Variants in DDR2 observed in about 807,000 individuals in gnomAD.
DDR2 encodes the protein discoidin domain-containing receptor 2.
DDR2 carries 27 observed loss-of-function variants against 94.9 expected under a neutral mutation model. The observed-to-expected ratio is 0.28, with a 90% confidence interval of 0.21 to 0.39. The LOEUF is 0.39. DDR2 is among the 10% of genes least tolerant of loss of function. The probability of loss-of-function intolerance (pLI) is 1.00; values close to 1 mark genes in which losing one functional copy is unlikely to be tolerated. For missense variants in DDR2, 783 were observed against 1,076.0 expected (o/e 0.73, Z 3.81); for synonymous variants, 382 against 377.2 (o/e 1.01, Z -0.15).
rs868162337 is a variant in DDR2, at chr1:162,703,480, T to C, written c.-27-15557T>C. On this transcript the variant is annotated intron_variant, in intron 2 of 17. Coordinates refer to ENST00000367921, the MANE Select transcript of DDR2 (RefSeq NM_006182.4). ...TGTGTGCCAGAGCACTGTTGTCCAT[T>C]TAGTGCCAGCCCTGTGTGGCAAATA... is the stretch of plus-strand genomic sequence containing the variant. 1.7e-4 allele frequency among the ~76,000 whole-genome samples: 26 copies of C among 152,268 alleles called. 1 individual carries two copies. In the Middle Eastern group the frequency reaches 0.02, roughly 120 times the overall value.
intron 2 of DDR2, among the ~76,000 whole-genome samples, chr1:162,674,153 T>C (rs1399775923): frequency 6.6e-6 from 1 of 152,166 alleles, no homozygotes; most frequent in Non-Finnish European, 1.5e-5. Flanking sequence ...TGCTTTTCTA[T>C]TCTTCCCAAA....
chr1:162,728,751 A>G (rs1234655759), intron 3 of DDR2, among the ~76,000 whole-genome samples: 1 of 152,146 alleles, frequency 6.6e-6, no homozygotes. Context: ...CCTAGTGATC[A>G]CATGATAAAC....
chr1:162,772,027 G>C lies in DDR2; in HGVS notation c.1508G>C (p.Cys503Ser), dbSNP rs573628844. ...CTCGTTGCCCTTGTCTTCCCAGGCTGCAGCGGTGTTGTGAAGCCAGTCCAG... is the reference window on the plus strand; with the variant it reads ...CTCGTTGCCCTTGTCTTCCCAGGCTCCAGCGGTGTTGTGAAGCCAGTCCAG... ...EFAPGEEESG[C>S]SGVVKPVQPS... The change falls in exon 13 of 18, where the codon TGC (cysteine) becomes TCC (serine). Residue 503 changes from cysteine (C) to serine (S), a missense_variant. By Grantham distance (112) the Cys-to-Ser change is moderately radical. Coordinates refer to ENST00000367921, the MANE Select transcript of DDR2 (RefSeq NM_006182.4). 68 of 1,604,106 alleles carry C rather than the reference G, an allele frequency of 4.2e-5. No homozygotes were observed. The highest frequency in any genetic ancestry group is 3.8e-4 in the Middle Eastern group (2 of 5,332).
chr1:162,657,357 T>A (rs10753584), intron 2 of DDR2, among the ~76,000 whole-genome samples: 138,555 of 152,142 alleles, frequency 0.91, 63,705 homozygotes, highest in Middle Eastern at 0.98. Context: ...CAGACTGAGT[T>A]TTTCAATCTG....
intron 3 of DDR2, among the ~76,000 whole-genome samples, chr1:162,741,399 G>C (rs895123054): frequency 1.3e-5 from 2 of 149,476 alleles, no homozygotes; most frequent in Admixed American, 6.7e-5. Flanking sequence ...TGAACGTCAT[G>C]CTGGTGTTCA....
chr1:162,636,927 G>A (rs1289480688), intron 1 of DDR2, among the ~76,000 whole-genome samples: 2 of 151,992 alleles, frequency 1.3e-5, no homozygotes, highest in Non-Finnish European at 1.5e-5. Flanking sequence ...ACAAATCTCA[G>A]TGAACTCTCA....
intron 5 of DDR2, 38 bp downstream of exon 5, chr1:162,754,893 A>C: frequency 3.1e-6 from 5 of 1,610,296 alleles, no homozygotes; most frequent in Non-Finnish European, 4.2e-6. Context: ...GATGTCCAAG[A>C]CCATATTTTG....
chr1:162,750,959 T>C (rs1379393797), intron 3 of DDR2, among the ~76,000 whole-genome samples: 3 of 152,214 alleles, frequency 2.0e-5, no homozygotes, highest in East Asian at 1.9e-4. Flanking sequence ...AAAGCTGAAA[T>C]TCGATCCCTT....
intron 17 of DDR2, 48 bp downstream of exon 17, chr1:162,778,777 G>T (rs2102207682): frequency 1.2e-6 from 2 of 1,612,716 alleles, no homozygotes; most frequent in South Asian, 1.1e-5. Context: ...TACCTTGAAG[G>T]ATGGAGAATG....
intron 14 of DDR2, 76 bp downstream of exon 14, chr1:162,773,672 G>C (rs936627178): frequency 6.3e-7 from 1 of 1,598,094 alleles, no homozygotes; most frequent in African/African-American, 1.3e-5. Context: ...ATACTTCTGA[G>C]CAATTTTTTC....
chr1:162,639,812 C>T (rs1005597292), intron 1 of DDR2, among the ~76,000 whole-genome samples: 1 of 152,122 alleles, frequency 6.6e-6, no homozygotes, highest in African/African-American at 2.4e-5. Flanking sequence ...AATAGTACTT[C>T]GAATTCTGAA....
At chr1:162,705,596 G>A (rs1458932434) in intron 2 of DDR2, among the ~76,000 whole-genome samples, 1 of 152,166 alleles carries the variant, frequency 6.6e-6, no homozygotes, top group Admixed American at 6.5e-5. Flanking sequence ...GATTTACAGT[G>A]CCAGGGCTGA....
intron 7 of DDR2, among the ~76,000 whole-genome samples, chr1:162,757,914 C>T (rs968818947): frequency 6.6e-6 from 1 of 152,180 alleles, no homozygotes; most frequent in Non-Finnish European, 1.5e-5. Context: ...TGAAGTTTGA[C>T]AGTCTAAGTG....
chr1:162,651,740 T>G (rs949645168), intron 1 of DDR2, among the ~76,000 whole-genome samples: 1 of 152,234 alleles, frequency 6.6e-6, no homozygotes, highest in Non-Finnish European at 1.5e-5. Context: ...AATCTTAATC[T>G]CCTAACAAAA....
At chr1:162,686,679 C>T (rs530450823) in intron 2 of DDR2, among the ~76,000 whole-genome samples, 8 of 152,128 alleles carry the variant, frequency 5.3e-5, no homozygotes, top group East Asian at 1.9e-4. Flanking sequence ...AGTAAACATA[C>T]GTGTGCATGT....
intron 3 of DDR2, among the ~76,000 whole-genome samples, chr1:162,727,982 T>A (rs144706331): frequency 0.023 from 3,293 of 141,198 alleles, 171 homozygotes; most frequent in African/African-American, 0.081. Context: ...TATATAGATA[T>A]AATCACACTA....
chr1:162,663,582 A>C (rs1287298441), intron 2 of DDR2, among the ~76,000 whole-genome samples: 1 of 152,164 alleles, frequency 6.6e-6, no homozygotes, highest in African/African-American at 2.4e-5. Context: ...AAAGACTAGA[A>C]GGGAAAGAAG....
intron 1 of DDR2, among the ~76,000 whole-genome samples, chr1:162,635,175 C>T (rs1164624120): frequency 1.3e-5 from 2 of 152,186 alleles, no homozygotes; most frequent in African/African-American, 2.4e-5. Context: ...TCTGTGAACT[C>T]GCACTTTTCT....
At chr1:162,673,757 CA>C (rs1658998113) in intron 2 of DDR2, among the ~76,000 whole-genome samples, 1 of 151,136 alleles carries the variant, frequency 6.6e-6, no homozygotes, top group African/African-American at 2.4e-5. Context: ...CAAAACAAAA[CA>C]AAAAAACCGA....
Sources: gnomAD v4.1 joint callset for allele counts (sites outside exome capture counted in the v4.1 genomes callset) on GRCh38, gnomAD v4.1.1 for gene constraint, MANE v1.5 for transcripts, NCBI Gene and HGNC (gene_info 2026-07-23, HGNC 2026-07-21) for gene names.